Variants in EYS observed in about 807,000 individuals in gnomAD.
EYS encodes the protein EGF-like photoreceptor maintenance factor, also known as protein eyes shut homolog.
A neutral mutation model predicts 282.1 loss-of-function variants in EYS; 250 were observed. The observed-to-expected ratio is 0.89, with a 90% confidence interval of 0.80 to 0.98. EYS has a LOEUF of 0.98. EYS is among the 50% of genes least tolerant of loss of function. The pLI is 0.00. For synonymous variants in EYS, 1,355 were observed against 1,282.9 expected (o/e 1.06, Z -1.20); for missense variants, 4,016 against 3,709.0 (o/e 1.08, Z -2.15).
chr6:64,757,999 C>T (rs1411113541), intron 22 of EYS, among the ~76,000 whole-genome samples: 1 of 152,082 alleles, frequency 6.6e-6, no homozygotes, highest in Non-Finnish European at 1.5e-5. Context: ...TGGTCTTGAT[C>T]GCCTGACCTC....
intron 2 of EYS, among the ~76,000 whole-genome samples, chr6:65,545,940 A>G (rs1768368108): frequency 6.6e-6 from 1 of 152,080 alleles, no homozygotes; most frequent in Non-Finnish European, 1.5e-5. Context: ...TAGTATTTAT[A>G]TTATTTAGCA....
intron 21 of EYS, among the ~76,000 whole-genome samples, chr6:64,820,952 G>T (rs561333505): frequency 2.7e-4 from 41 of 152,006 alleles, no homozygotes; most frequent in Middle Eastern, 3.4e-3. Context: ...GTTTCACAAT[G>T]ACAAAGGCTT....
chr6:64,888,983 ATTTC>A (rs1026827851), intron 18 of EYS, among the ~76,000 whole-genome samples: 1 of 152,012 alleles, frequency 6.6e-6, no homozygotes, highest in Admixed American at 6.6e-5. Context: ...CAATTTATGT[ATTTC>A]TTTCATGTAC....
At chr6:64,285,405 C>T (rs1470516849) in intron 30 of EYS, among the ~76,000 whole-genome samples, 1 of 152,224 alleles carries the variant, frequency 6.6e-6, no homozygotes, top group Non-Finnish European at 1.5e-5. Context: ...GTTACCTTTG[C>T]TTCAGTTCCC....
At chr6:64,332,776 A>G (rs1436880982) in intron 29 of EYS, among the ~76,000 whole-genome samples, 1 of 152,222 alleles carries the variant, frequency 6.6e-6, no homozygotes, top group Non-Finnish European at 1.5e-5. Context: ...ACTAGTCTAC[A>G]CATGGCCGAA....
intron 33 of EYS, among the ~76,000 whole-genome samples, chr6:64,063,973 C>A (rs547965581): frequency 2.0e-4 from 30 of 152,246 alleles, no homozygotes; most frequent in South Asian, 1.0e-3. Flanking sequence ...GGTGATCCAG[C>A]CACCTCCCAA....
intron 12 of EYS, among the ~76,000 whole-genome samples, chr6:65,179,761 A>G (rs1331475534): frequency 6.6e-6 from 1 of 152,080 alleles, no homozygotes; most frequent in African/African-American, 2.4e-5. Context: ...ATAAAAAGAG[A>G]ATTTTAGACC....
intron 34 of EYS, among the ~76,000 whole-genome samples, chr6:63,998,172 T>C (rs1238466318): frequency 1.3e-5 from 2 of 152,126 alleles, no homozygotes; most frequent in East Asian, 1.9e-4. Flanking sequence ...TTCTTATCAC[T>C]ATAAAATTCT....
intron 2 of EYS, among the ~76,000 whole-genome samples, chr6:65,555,415 T>C (rs1768761209): frequency 6.6e-6 from 1 of 152,124 alleles, no homozygotes; most frequent in South Asian, 2.1e-4. Flanking sequence ...AAATGATCTA[T>C]TTAGCCCTTT....
chr6:64,511,730 A>G (rs1023772798), intron 26 of EYS, among the ~76,000 whole-genome samples: 3 of 151,964 alleles, frequency 2.0e-5, no homozygotes, highest in African/African-American at 7.3e-5. Flanking sequence ...GATGGCTGCT[A>G]TTCCTGCCTA....
chr6:64,923,860 C>T (rs1768429852), intron 15 of EYS, among the ~76,000 whole-genome samples: 1 of 152,094 alleles, frequency 6.6e-6, no homozygotes, highest in Admixed American at 6.6e-5. Context: ...GCCCCTGTGG[C>T]TTTGCAGGGT....
intron 1 of EYS, among the ~76,000 whole-genome samples, chr6:65,653,929 C>A (rs1172855280): frequency 6.6e-6 from 1 of 151,938 alleles, no homozygotes; most frequent in African/African-American, 2.4e-5. Flanking sequence ...CTTCTGCCCT[C>A]ACTTTTTAGG....
At chr6:64,542,957 A>G (rs1764735856) in intron 26 of EYS, among the ~76,000 whole-genome samples, 1 of 152,136 alleles carries the variant, frequency 6.6e-6, no homozygotes, top group Non-Finnish European at 1.5e-5. Context: ...AAATAAATGC[A>G]TTAGGTACAA....
chr6:65,437,773 T>C (rs564362752), intron 5 of EYS, among the ~76,000 whole-genome samples: 7 of 152,278 alleles, frequency 4.6e-5, no homozygotes, highest in African/African-American at 1.7e-4. Flanking sequence ...AAACGTTTGA[T>C]AAAACAGTCT....
chr6:65,629,007 ATGATT>A (rs1562298246), intron 2 of EYS, among the ~76,000 whole-genome samples: 1 of 152,210 alleles, frequency 6.6e-6, no homozygotes. Context: ...AAATTGAGAA[ATGATT>A]TGATCAGCAA....
In EYS at chr6:65,443,351, CAT is replaced by C. The variant is rs143649520; in HGVS notation, c.863-37986_863-37985del. ...GCATACATGTATGTACACATATAGA[CAT>C]ATATGCATACATGTATGTACACATA... On this transcript the variant is annotated intron_variant, in intron 5 of 42. Coordinates refer to ENST00000503581, the MANE Select transcript of EYS (RefSeq NM_001142800.2). Among the ~76,000 whole-genome samples, 10 of 131,686 alleles carry C rather than the reference CAT, an allele frequency of 7.6e-5. 1 individual carries two copies. Among genetic ancestry groups the C allele is most frequent in the South Asian group, 2.4e-4 (1 of 4,214 alleles). The allele number at this position is 131,686 out of a possible 152,430, so 86.4% of individuals were successfully genotyped here. A position where few individuals can be genotyped will look rare whatever the true frequency, so the allele number is the denominator to read the frequency against.
intron 30 of EYS, among the ~76,000 whole-genome samples, chr6:64,301,446 C>T (rs1769229898): frequency 6.6e-6 from 1 of 152,150 alleles, no homozygotes; most frequent in South Asian, 2.1e-4. Flanking sequence ...CTAAACACTA[C>T]CCTACAGGGT....
chr6:64,548,745 G>T (rs1316391101), intron 26 of EYS, among the ~76,000 whole-genome samples: 1 of 152,076 alleles, frequency 6.6e-6, no homozygotes, highest in East Asian at 1.9e-4. Flanking sequence ...GAGTTAATGG[G>T]TGCAGCACAC....
chr6:65,480,681 A>G (rs1005901162), intron 5 of EYS, among the ~76,000 whole-genome samples: 1 of 152,198 alleles, frequency 6.6e-6, no homozygotes, highest in African/African-American at 2.4e-5. Flanking sequence ...AGCATTATTC[A>G]TAATAGTCAA....
Sources: gnomAD v4.1 joint callset for allele counts (sites outside exome capture counted in the v4.1 genomes callset) on GRCh38, gnomAD v4.1.1 for gene constraint, MANE v1.5 for transcripts, NCBI Gene and HGNC (gene_info 2026-07-23, HGNC 2026-07-21) for gene names.